PIK3R4: variants seen among roughly 807,000 people sequenced by gnomAD.
The protein encoded by PIK3R4 is phosphoinositide-3-kinase regulatory subunit 4, also known as phosphoinositide 3-kinase regulatory subunit 4.
In PIK3R4, 46 loss-of-function variants were observed where a neutral mutation model predicts 136.5. The ratio of observed to expected loss-of-function variants is 0.34; its 90% CI spans 0.27 to 0.43. PIK3R4 has a LOEUF of 0.43. PIK3R4 is among the 20% of genes least tolerant of loss of function. The pLI, the probability that PIK3R4 is intolerant of heterozygous loss-of-function variation, is 1.00. For missense variants in PIK3R4, 1,331 were observed against 1,649.5 expected, an observed-to-expected ratio of 0.81 and a Z score of 3.35; for synonymous variants, 557 against 566.7, an observed-to-expected ratio of 0.98 and a Z score of 0.24.
At chr3:130,718,862 T>C (rs536026443) in intron 7 of PIK3R4, among the ~76,000 whole-genome samples, 2 of 152,302 alleles carry the variant, frequency 1.3e-5, no homozygotes, top group Admixed American at 1.3e-4. Flanking sequence ...TAAAAACTGT[T>C]AGAGACATAA....
At chr3:130,729,184 T>G (rs1203087714) in intron 5 of PIK3R4, among the ~76,000 whole-genome samples, 31 of 152,222 alleles carry the variant, frequency 2.0e-4, no homozygotes, top group Admixed American at 2.0e-3. Context: ...TTCTCTGGTC[T>G]TACCTCTTCT....
In PIK3R4 at chr3:130,733,907, T is replaced by C; in HGVS notation, c.1091A>G (p.Glu364Gly). 1 of 1,614,134 alleles carries C rather than the reference T, an allele frequency of 6.2e-7. No individual in the cohort carries two copies. The highest frequency in any genetic ancestry group is 8.5e-7 in the Non-Finnish European group (1 of 1,179,972). ...TTCCTTAGGCTCTCCTTCGGCTTTTTCTGGCAGATCATGTCCACAGAGATT... is the reference window on the plus strand; with the variant it reads ...TTCCTTAGGCTCTCCTTCGGCTTTTCCTGGCAGATCATGTCCACAGAGATT... ...IHNLCGHDLPEKAEGEPKENG... is the reference protein window; with the variant it reads ...IHNLCGHDLPGKAEGEPKENG... The change falls in exon 4 of 20, where the codon GAA becomes GGA. Residue 364 changes from glutamate to glycine, a missense_variant. Coordinates refer to ENST00000356763, the MANE Select transcript of PIK3R4 (RefSeq NM_014602.3).
chr3:130,734,936 T>C (rs1389082078), intron 3 of PIK3R4, among the ~76,000 whole-genome samples: 1 of 152,112 alleles, frequency 6.6e-6, no homozygotes, highest in African/African-American at 2.4e-5. Flanking sequence ...TAAAAGAAAA[T>C]GTTAACTAGT....
rs1576458994 is a variant in PIK3R4, at chr3:130,718,518, A to G, written c.1998T>C (p.His666=). 7 of 1,613,968 alleles carry G rather than the reference A, an allele frequency of 4.3e-6. No individual in the cohort carries two copies. The highest frequency in any genetic ancestry group is 8.5e-7 in the Non-Finnish European group (1 of 1,179,866). ...FASDIAPFLC[H]PNLWIRYGAV... is the part of the protein sequence containing the mutation. Reference sequence around the variant, plus strand: ...CACCATAACGTATCCATAAATTGGGATGACACAGGAAGGGGGCTAAAGAGG... The same window carrying G: ...CACCATAACGTATCCATAAATTGGGGTGACACAGGAAGGGGGCTAAAGAGG... The change falls in exon 8 of 20, where the codon CAT becomes CAC. Residue 666 remains histidine (H), a synonymous_variant. Coordinates refer to ENST00000356763, the MANE Select transcript of PIK3R4 (RefSeq NM_014602.3).
chr3:130,746,244 T>C (rs2066852584), intron 1 of PIK3R4, 74 bp downstream of exon 1: 1 of 152,248 alleles, frequency 6.6e-6, no homozygotes, highest in Non-Finnish European at 1.5e-5. Context: ...CCCAGGGTTC[T>C]GCTAACTCAG....
At chr3:130,702,837 T>A (rs2066582459) in intron 13 of PIK3R4, among the ~76,000 whole-genome samples, 1 of 152,226 alleles carries the variant, frequency 6.6e-6, no homozygotes, top group Non-Finnish European at 1.5e-5. Flanking sequence ...ATATCCTTCT[T>A]GTCCGCAGGA....
intron 4 of PIK3R4, among the ~76,000 whole-genome samples, chr3:130,731,603 C>T (rs796704535): frequency 3.3e-5 from 5 of 152,246 alleles, no homozygotes; most frequent in African/African-American, 1.2e-4. Context: ...GGAAAAGTCT[C>T]TTACTTTCCT....
At position 130,732,605 on chromosome 3, in the gene PIK3R4, TA is replaced by T. The variant is rs1333236640; in HGVS notation, c.1450+942del. ...CATACCTGTATGGTTATAGAAACCA[TA>T]AATAAATAAATAGGCAGAGATAAAC... On this transcript the variant is annotated intron_variant, in intron 4 of 19. Coordinates refer to ENST00000356763, the MANE Select transcript of PIK3R4 (RefSeq NM_014602.3). 2.0e-5 allele frequency among the ~76,000 whole-genome samples: 3 copies of T among 152,148 alleles called. No homozygotes were observed. In the East Asian group the frequency reaches 5.8e-4, roughly 29 times the overall value.
intron 7 of PIK3R4, among the ~76,000 whole-genome samples, chr3:130,720,838 A>G (rs2066695787): frequency 6.6e-6 from 1 of 152,198 alleles, no homozygotes; most frequent in African/African-American, 2.4e-5. Context: ...AAGTCCAGGC[A>G]GCCAGCACAG....
chr3:130,699,264 T>G (rs998172677), intron 13 of PIK3R4, among the ~76,000 whole-genome samples: 3 of 152,196 alleles, frequency 2.0e-5, no homozygotes, highest in Non-Finnish European at 4.4e-5. Flanking sequence ...TTTCAACAAG[T>G]GCCCTGTGAG....
chr3:130,683,159 A>C (rs2066469143), intron 16 of PIK3R4, among the ~76,000 whole-genome samples: 1 of 152,230 alleles, frequency 6.6e-6, no homozygotes, highest in South Asian at 2.1e-4. Flanking sequence ...TTACTGAAAG[A>C]ATACCATAGG....
At chr3:130,690,334 T>TTTTATTTA (rs138687515) in intron 14 of PIK3R4, among the ~76,000 whole-genome samples, 156 bp downstream of exon 14, 35 of 152,020 alleles carry the variant, frequency 2.3e-4, no homozygotes, top group African/African-American at 8.0e-4. Flanking sequence ...ATTTTTAAAA[T>TTTTATTTA]TTTATTTATT....
At chr3:130,720,854 C>A (rs1354531034) in intron 7 of PIK3R4, among the ~76,000 whole-genome samples, 2 of 152,140 alleles carry the variant, frequency 1.3e-5, no homozygotes, top group African/African-American at 2.4e-5. Flanking sequence ...CACAGAGCAA[C>A]AAGAGTGAAA....
At chr3:130,726,171 A>G (rs920680433) in intron 6 of PIK3R4, among the ~76,000 whole-genome samples, 1 of 152,124 alleles carries the variant, frequency 6.6e-6, no homozygotes, top group African/African-American at 2.4e-5. Context: ...AAAAATGAAA[A>G]TAATTTAAAT....
chr3:130,716,645 C>G (rs1057018816), intron 8 of PIK3R4, 46 bp from the exon 9 acceptor site: 1 of 1,132,252 alleles, frequency 8.8e-7, no homozygotes, highest in African/African-American at 1.6e-5. Flanking sequence ...ATAACATGTA[C>G]AGTTATTTTC....
At chr3:130,721,117 C>G (rs1054770706) in intron 7 of PIK3R4, among the ~76,000 whole-genome samples, 1 of 151,740 alleles carries the variant, frequency 6.6e-6, no homozygotes, top group Non-Finnish European at 1.5e-5. Context: ...GGGCGGATCA[C>G]GAGGTCAGGA....
At chr3:130,697,564 C>T (rs1430620389) in intron 13 of PIK3R4, among the ~76,000 whole-genome samples, 1 of 152,082 alleles carries the variant, frequency 6.6e-6, no homozygotes, top group Non-Finnish European at 1.5e-5. Flanking sequence ...ATACAATGAA[C>T]ACCTTAAAAT....
intron 13 of PIK3R4, among the ~76,000 whole-genome samples, chr3:130,693,931 C>T (rs1576452295): frequency 6.6e-6 from 1 of 152,124 alleles, no homozygotes; most frequent in East Asian, 1.9e-4. Context: ...GTCTATGATC[C>T]ATTTTGAATA....
At chr3:130,743,654 C>A (rs986903114) in intron 2 of PIK3R4, among the ~76,000 whole-genome samples, 12 of 152,126 alleles carry the variant, frequency 7.9e-5, no homozygotes, top group Non-Finnish European at 1.6e-4. Flanking sequence ...AGAATCCTAA[C>A]AATTCTATCT....
Sources: gnomAD v4.1 joint callset for allele counts (sites outside exome capture counted in the v4.1 genomes callset) on GRCh38, gnomAD v4.1.1 for gene constraint, MANE v1.5 for transcripts, NCBI Gene and HGNC (gene_info 2026-07-23, HGNC 2026-07-21) for gene names.